The following DENND5B variants were observed in gnomAD, a reference collection of about 807,000 sequenced individuals.
DENND5B encodes the protein DENN domain containing 5B.
Under a neutral mutation model 140.6 loss-of-function variants are expected in DENND5B, and 34 were observed. The ratio of observed to expected loss-of-function variants is 0.24; its 90% CI spans 0.18 to 0.32. DENND5B has a LOEUF of 0.32. Ranked by LOEUF, DENND5B falls within the 10% of genes least tolerant of loss-of-function variation. DENND5B has a pLI of 1.00. For synonymous variants in DENND5B, 551 were observed against 562.1 expected (o/e 0.98, Z 0.28); for missense variants, 1,142 against 1,560.2 (o/e 0.73, Z 4.52).
Position 31,469,910 on chromosome 12 carries a change from G to A in DENND5B, c.905-9529C>T, listed in dbSNP as rs145782596. 7.9e-5 allele frequency among the ~76,000 whole-genome samples: 12 copies of A among 152,102 alleles called. No homozygotes were observed. The East Asian group carries it at 2.3e-3, about 29-fold the overall frequency. ...ATGCTTCCCAAGGCCCTCATCAGAA[G>A]CAGGTGCTAGCACATGCACAGAACT... On this transcript the variant is annotated intron_variant, in intron 3 of 20. Coordinates refer to ENST00000389082, the MANE Select transcript of DENND5B (RefSeq NM_144973.4).
At chr12:31,436,396 C>A (rs181825855) in intron 7 of DENND5B, among the ~76,000 whole-genome samples, 1 of 151,636 alleles carries the variant, frequency 6.6e-6, no homozygotes, top group African/African-American at 2.4e-5. Flanking sequence ...CTACCGTGCC[C>A]AATCCTAAAA....
intron 3 of DENND5B, among the ~76,000 whole-genome samples, chr12:31,462,883 C>T (rs1945082919): frequency 1.3e-5 from 2 of 152,088 alleles, no homozygotes; most frequent in African/African-American, 4.8e-5. Context: ...TGCTTGAACC[C>T]AGGAGGCGGA....
At chr12:31,409,494 TTTA>T in intron 13 of DENND5B, 110 bp from the exon 14 acceptor site, 2 of 1,103,294 alleles carry the variant, frequency 1.8e-6, no homozygotes, top group Non-Finnish European at 2.4e-6. Flanking sequence ...TTTTTTTTTT[TTTA>T]AACAGAGTTT....
At position 31,449,734 on chromosome 12, in the gene DENND5B, T is replaced by TTTTTG. The variant is rs201973031; in HGVS notation, c.1630-1966_1630-1965insCAAAA. Reference sequence around the variant, plus strand: ...AACCATGGATATACACAGATTAGTTTTTTTTTTTTTTTTTTGAGACAGAGT... The same window carrying TTTTTG: ...AACCATGGATATACACAGATTAGTTTTTTTGTTTTTTTTTTTTTTTGAGACAGAGT... On this transcript the variant is annotated intron_variant, in intron 5 of 20. Coordinates refer to ENST00000389082, the MANE Select transcript of DENND5B (RefSeq NM_144973.4). Among the ~76,000 whole-genome samples the TTTTTG allele has an allele frequency of 4.3e-5, 4 of 92,824 alleles. 1 individual carries two copies. The highest frequency in any genetic ancestry group is 9.2e-5 in the Non-Finnish European group (4 of 43,478). 60.9% of individuals were successfully genotyped at this position (92,824 alleles called of 152,430 possible).
rs967056821 is a variant in DENND5B, at chr12:31,471,728, C to T, written c.904+7861G>A. Among the ~76,000 whole-genome samples, 8 of 152,022 alleles carry T rather than the reference C, an allele frequency of 5.3e-5. No homozygotes were observed. The South Asian group carries it at 8.3e-4, about 16-fold the overall frequency. On this transcript the variant is annotated intron_variant, in intron 3 of 20. Coordinates refer to ENST00000389082, the MANE Select transcript of DENND5B (RefSeq NM_144973.4). Reference sequence around the variant, plus strand: ...GTATCTTTATTTTTAAATGCTGCAGCGTGGAAGAACATGCTTGGGTTGACA... The same window carrying T: ...GTATCTTTATTTTTAAATGCTGCAGTGTGGAAGAACATGCTTGGGTTGACA...
intron 1 of DENND5B, among the ~76,000 whole-genome samples, chr12:31,510,044 G>GT (rs2138903520): frequency 6.6e-6 from 1 of 152,288 alleles, no homozygotes; most frequent in Admixed American, 6.5e-5. Context: ...ATGACGTGCA[G>GT]TTCCCTTTTA....
intron 1 of DENND5B, chr12:31,499,715 A>C (rs922829550): frequency 7.2e-7 from 1 of 1,392,702 alleles, no homozygotes; most frequent in Non-Finnish European, 9.3e-7. Context: ...GAACAAATAA[A>C]AACAAACAAA....
At chr12:31,509,680 T>G (rs1298728740) in intron 1 of DENND5B, among the ~76,000 whole-genome samples, 4 of 152,212 alleles carry the variant, frequency 2.6e-5, no homozygotes, top group Admixed American at 1.3e-4. Flanking sequence ...TCTCACAGTT[T>G]ACATTCTAAG....
chr12:31,509,735 G>A (rs916628659), intron 1 of DENND5B, among the ~76,000 whole-genome samples: 1 of 152,134 alleles, frequency 6.6e-6, no homozygotes, highest in Non-Finnish European at 1.5e-5. Context: ...TATGTTGGAA[G>A]ATGAAAGGTG....
chr12:31,541,623 A>G (rs1948682751), intron 1 of DENND5B, among the ~76,000 whole-genome samples: 1 of 152,226 alleles, frequency 6.6e-6, no homozygotes, highest in Non-Finnish European at 1.5e-5. Context: ...TACAACCACT[A>G]TGGAGAACAG....
At chr12:31,392,558 C>T in intron 18 of DENND5B, 56 bp downstream of exon 18, 1 of 1,528,898 alleles carries the variant, frequency 6.5e-7, no homozygotes, top group South Asian at 1.2e-5. Context: ...TCGTGTATCA[C>T]ATATAAAAGC....
At chr12:31,458,917 A>G (rs1208406760) in intron 4 of DENND5B, among the ~76,000 whole-genome samples, 3 of 152,196 alleles carry the variant, frequency 2.0e-5, no homozygotes, top group East Asian at 1.9e-4. Context: ...ACCATTAACA[A>G]TAAGTAACAA....
At chr12:31,583,282 ACT>A (rs1255745789) in intron 1 of DENND5B, among the ~76,000 whole-genome samples, 1 of 143,458 alleles carries the variant, frequency 7.0e-6, no homozygotes, top group Non-Finnish European at 1.5e-5. Flanking sequence ...ACAGAGTGAG[ACT>A]CAGTCTTTTA....
rs759147705 is a variant in DENND5B, at chr12:31,451,883, TA to T, written c.1629+56del. The T allele has an allele frequency of 1.8e-5, 28 of 1,561,444 alleles. No individual in the cohort carries two copies. In the South Asian group the frequency reaches 3.3e-4, roughly 19 times the overall value. On this transcript the variant is annotated intron_variant, in intron 5 of 20. Coordinates refer to ENST00000389082, the MANE Select transcript of DENND5B (RefSeq NM_144973.4). ...AGAAGAATAAAAAATTTAAAAATGT[TA>T]AAATCAATAATAAAGCCACTAATAA...
chr12:31,451,022 C>T (rs1415608724), intron 5 of DENND5B, among the ~76,000 whole-genome samples: 1 of 152,162 alleles, frequency 6.6e-6, no homozygotes, highest in East Asian at 1.9e-4. Flanking sequence ...AATTGTTTTA[C>T]ACTTACAGCC....
At chr12:31,511,548 TTTTTA>T (rs1251113707) in intron 1 of DENND5B, among the ~76,000 whole-genome samples, 1 of 105,346 alleles carries the variant, frequency 9.5e-6, no homozygotes, top group Admixed American at 1.3e-4. Context: ...TTTTTTTTTT[TTTTTA>T]ACAGAGATAG....
intron 2 of DENND5B, among the ~76,000 whole-genome samples, chr12:31,490,932 A>G (rs1240481691): frequency 6.6e-6 from 1 of 152,216 alleles, no homozygotes; most frequent in Non-Finnish European, 1.5e-5. Flanking sequence ...TGTTACCTAA[A>G]ATATATTTAT....
chr12:31,562,581 G>A lies in DENND5B; in HGVS notation c.127+28125C>T, dbSNP rs969572898. 9.9e-5 allele frequency among the ~76,000 whole-genome samples: 15 copies of A among 151,898 alleles called. No homozygotes were observed. The East Asian group carries it at 2.3e-3, about 24-fold the overall frequency. On this transcript the variant is annotated intron_variant, in intron 1 of 20. Transcript: ENST00000389082. ...GTGAGCCGAGATCGCACCATTGCGC[G>A]CCAGCCTGGGCAACAAAGGCGAAAC...
chr12:31,489,733 T>G lies in DENND5B; in HGVS notation c.237+6077A>C, dbSNP rs531854618. On this transcript the variant is annotated intron_variant, in intron 2 of 20. Coordinates refer to ENST00000389082, the MANE Select transcript of DENND5B (RefSeq NM_144973.4). ...AGCTAAGTAATTGGTTAACTGCAAC[T>G]GAGATAGGTGCTACAAAAAGGTATA... 2.6e-3 allele frequency among the ~76,000 whole-genome samples: 345 copies of G among 132,232 alleles called. 5 individuals are homozygous for G. The highest frequency in any genetic ancestry group is 9.3e-3 in the African/African-American group (331 of 35,402). The allele number at this position is 132,232 out of a possible 152,430, so 86.7% of individuals were successfully genotyped here.
Sources: allele counts gnomAD v4.1 joint callset (sites outside exome capture counted in the v4.1 genomes callset), GRCh38; gene constraint gnomAD v4.1.1; transcripts MANE v1.5; gene names NCBI Gene and HGNC (gene_info 2026-07-23, HGNC 2026-07-21).